COG6: variants seen among roughly 807,000 people sequenced by gnomAD.
COG6 encodes component of oligomeric golgi complex 6, also known as conserved oligomeric Golgi complex subunit 6.
A neutral mutation model predicts 88.8 loss-of-function variants in COG6; 74 were observed. The observed-to-expected ratio is 0.83, with a 90% confidence interval of 0.69 to 1.01. The LOEUF is 1.01. COG6 is among the 50% of genes least tolerant of loss of function. The pLI, the probability that COG6 is intolerant of heterozygous loss-of-function variation, is 0.00. For missense variants in COG6, 800 were observed against 797.9 expected, an observed-to-expected ratio of 1.00 and a Z score of -0.03; for synonymous variants, 286 against 278.7, an observed-to-expected ratio of 1.03 and a Z score of -0.26.
chr13:39,677,642 G>A, intron 5 of COG6, 63 bp downstream of exon 5: 1 of 956,988 alleles, frequency 1.0e-6, no homozygotes, highest in African/African-American at 1.7e-5. Context: ...GAGAGAAATT[G>A]CTTTTTTGAA....
chr13:39,694,774 T>C, intron 12 of COG6, 49 bp downstream of exon 12: 1 of 1,017,414 alleles, frequency 9.8e-7, no homozygotes. Context: ...TGATATTTCT[T>C]TCAGTTAGAG....
At chr13:39,671,935 C>T (rs1442555688) in intron 4 of COG6, among the ~76,000 whole-genome samples, 3 of 151,940 alleles carry the variant, frequency 2.0e-5, no homozygotes, top group East Asian at 1.9e-4. Flanking sequence ...CAGTGCTGGA[C>T]GTTATGGTCT....
chr13:39,781,280 A>G (rs965717601), intron 18 of COG6, among the ~76,000 whole-genome samples: 1 of 152,144 alleles, frequency 6.6e-6, no homozygotes, highest in African/African-American at 2.4e-5. Flanking sequence ...CTTTTTTGGC[A>G]AACATCAAAT....
At chr13:39,779,939 C>G (rs748601537) in intron 18 of COG6, among the ~76,000 whole-genome samples, 2 of 152,116 alleles carry the variant, frequency 1.3e-5, no homozygotes, top group Non-Finnish European at 2.9e-5. Context: ...TATTAGGCAC[C>G]TACTCTAGGC....
chr13:39,791,655 A>G (rs1881942393), exon 19 of COG6: 1 of 152,074 alleles, frequency 6.6e-6, no homozygotes. Context: ...ATATATGGTT[A>G]ATAAGGTTTT....
intron 13 of COG6, among the ~76,000 whole-genome samples, chr13:39,710,075 G>A (rs559367512): frequency 1.7e-4 from 26 of 152,144 alleles, no homozygotes; most frequent in African/African-American, 6.3e-4. Context: ...TAAATCTATA[G>A]ATCAGTTGAG....
At chr13:39,682,491 T>C in intron 8 of COG6, 2 of 454,288 alleles carry the variant, frequency 4.4e-6, no homozygotes, top group Non-Finnish European at 8.0e-6. Context: ...TGTCTCTGTA[T>C]CTAGACTACC....
chr13:39,789,556 A>T (rs908911920), exon 19 of COG6: 1 of 152,066 alleles, frequency 6.6e-6, no homozygotes, highest in African/African-American at 2.4e-5. Context: ...GCCCAGACTC[A>T]TTCCCATCAC....
chr13:39,766,116 C>T (rs1881156721), intron 18 of COG6, among the ~76,000 whole-genome samples: 1 of 152,178 alleles, frequency 6.6e-6, no homozygotes, highest in Admixed American at 6.5e-5. Context: ...GCCTCTGTCT[C>T]CACCCTTCTC....
chr13:39,783,301 T>G (rs1051713979), intron 18 of COG6, among the ~76,000 whole-genome samples: 3 of 152,222 alleles, frequency 2.0e-5, no homozygotes, highest in African/African-American at 7.2e-5. Flanking sequence ...AAATAAATAT[T>G]GTCCTTGACA....
At chr13:39,709,310 TA>T (rs977057868) in intron 13 of COG6, among the ~76,000 whole-genome samples, 3 of 144,328 alleles carry the variant, frequency 2.1e-5, no homozygotes, top group African/African-American at 7.3e-5. Context: ...TTAATTTTTA[TA>T]AATTTATGAG....
intron 2 of COG6, among the ~76,000 whole-genome samples, chr13:39,660,519 G>A (rs189260295): frequency 2.8e-4 from 42 of 152,284 alleles, no homozygotes; most frequent in African/African-American, 9.6e-4. Flanking sequence ...ACATCAATAA[G>A]AGTAACTGCA....
intron 4 of COG6, among the ~76,000 whole-genome samples, chr13:39,671,841 GA>G (rs971236453): frequency 1.3e-5 from 2 of 150,638 alleles, no homozygotes; most frequent in Non-Finnish European, 3.0e-5. Flanking sequence ...TCAGTCACCA[GA>G]AAAAAAAATA....
intron 4 of COG6, among the ~76,000 whole-genome samples, chr13:39,666,942 T>C (rs1237946454): frequency 6.6e-6 from 1 of 152,218 alleles, no homozygotes; most frequent in Non-Finnish European, 1.5e-5. Flanking sequence ...TATTGGAACA[T>C]GTACCTTATC....
intron 3 of COG6, among the ~76,000 whole-genome samples, chr13:39,663,433 T>C (rs1011181240): frequency 1.3e-5 from 2 of 152,114 alleles, no homozygotes; most frequent in Non-Finnish European, 2.9e-5. Context: ...TGTAAACATA[T>C]CTTTGACTTG....
Position 39,734,060 on chromosome 13 carries a change from A to G in COG6, c.1826+6512A>G, listed in dbSNP as rs115739649. Among the ~76,000 whole-genome samples, 1,186 of 152,230 alleles carry G rather than the reference A, an allele frequency of 7.8e-3. 22 individuals are homozygous for G. The highest frequency in any genetic ancestry group is 0.027 in the African/African-American group (1,133 of 41,552). On this transcript the variant is annotated intron_variant, in intron 18 of 18. Transcript: ENST00000455146. ...TCAATTTTGTCTATCTTTTCAAAAA[A>G]TCACCTTTTGTTTCATCACTCTTTT...
chr13:39,720,251 A>G lies in COG6; in HGVS notation c.1584+424A>G, dbSNP rs184564881. On this transcript the variant is annotated intron_variant, in intron 15 of 18. Coordinates refer to ENST00000455146, the MANE Select transcript of COG6 (RefSeq NM_020751.3). ...ACAGAGGACAGATATATTTTTATCT[A>G]TGTGTAAACCAGTGTTAGGCAAAAC... Among the ~76,000 whole-genome samples, 523 of 152,252 alleles carry G rather than the reference A, an allele frequency of 3.4e-3. 4 individuals are homozygous for G. Among genetic ancestry groups the G allele is most frequent in the South Asian group, 0.01 (50 of 4,824 alleles).
chr13:39,668,318 ATAATT>A (rs1420985590), intron 4 of COG6, among the ~76,000 whole-genome samples: 1 of 152,172 alleles, frequency 6.6e-6, no homozygotes, highest in African/African-American at 2.4e-5. Flanking sequence ...TCCAGAGACT[ATAATT>A]TGAAACACCT....
At chr13:39,759,146 A>T (rs1298961776) in intron 18 of COG6, among the ~76,000 whole-genome samples, 1 of 152,200 alleles carries the variant, frequency 6.6e-6, no homozygotes, top group African/African-American at 2.4e-5. Context: ...CACAGTGATG[A>T]TGATTGCACA....
Sources: allele counts gnomAD v4.1 joint callset (sites outside exome capture counted in the v4.1 genomes callset), GRCh38; gene constraint gnomAD v4.1.1; transcripts MANE v1.5; gene names NCBI Gene and HGNC (gene_info 2026-07-23, HGNC 2026-07-21).